MAEA: variants seen among roughly 807,000 people sequenced by gnomAD.
MAEA encodes E3 ubiquitin-protein transferase MAEA.
Under a neutral mutation model 46.2 loss-of-function variants are expected in MAEA, and 22 were observed. That is an observed-to-expected ratio of 0.48 (90% CI 0.34 to 0.68). The LOEUF (loss-of-function observed/expected upper bound fraction) is 0.68. MAEA is among the 30% of genes least tolerant of loss of function. The pLI is 0.01. For synonymous variants in MAEA, 246 were observed against 222.6 expected (o/e 1.11, Z -0.94); for missense variants, 393 against 558.1 (o/e 0.70, Z 2.98).
At chr4:1,326,878 G>T (rs1011818151) in intron 4 of MAEA, among the ~76,000 whole-genome samples, 2 of 152,154 alleles carry the variant, frequency 1.3e-5, no homozygotes, top group Non-Finnish European at 2.9e-5. Context: ...CCATAACCTC[G>T]GTGCAGGCGC....
chr4:1,314,742 A>T (rs1434557384), intron 2 of MAEA, among the ~76,000 whole-genome samples: 1 of 152,262 alleles, frequency 6.6e-6, no homozygotes, highest in East Asian at 1.9e-4. Context: ...CCTGAGGGCA[A>T]AAGATGACTT....
chr4:1,337,256 A>G (rs1423096489), intron 7 of MAEA: 1 of 502,008 alleles, frequency 2.0e-6, no homozygotes, highest in East Asian at 3.6e-5. Context: ...GCATTGATCT[A>G]AAAGCCCGAT....
intron 6 of MAEA, among the ~76,000 whole-genome samples, 197 bp downstream of exon 6, chr4:1,333,062 G>A (rs1712055934): frequency 6.6e-6 from 1 of 152,186 alleles, no homozygotes; most frequent in African/African-American, 2.4e-5. Context: ...AGGGCTGTGT[G>A]TGGTGGCTCA....
chr4:1,329,124 T>C, intron 5 of MAEA: 1 of 985,588 alleles, frequency 1.0e-6, no homozygotes. Flanking sequence ...ACAAAACGTG[T>C]CCATCCCGGA....
intron 7 of MAEA, chr4:1,337,721 G>A: frequency 5.7e-6 from 1 of 175,390 alleles, no homozygotes; most frequent in Non-Finnish European, 1.2e-5. Context: ...GACTGACTCT[G>A]CCCCTGCCCT....
Position 1,335,573 on chromosome 4 carries a change from C to T in MAEA, c.766-1288C>T, listed in dbSNP as rs180791644. ...CACTGGCCCCACAGTGTGTTGAAATCACAGAGTTAAGTCAGCACTGGCCCC... is the reference window on the plus strand; with the variant it reads ...CACTGGCCCCACAGTGTGTTGAAATTACAGAGTTAAGTCAGCACTGGCCCC... On this transcript the variant is annotated intron_variant, in intron 6 of 8. Coordinates refer to ENST00000303400, the MANE Select transcript of MAEA (RefSeq NM_001017405.3). 4,325 of 957,478 alleles carry T rather than the reference C, an allele frequency of 4.5e-3. 257 individuals carry two copies. In the East Asian group the frequency reaches 0.11, roughly 24 times the overall value. The allele number at this position is 957,478 out of a possible 1,614,324, so 59.3% of individuals were successfully genotyped here. A position where few individuals can be genotyped will look rare whatever the true frequency, so the allele number is the denominator to read the frequency against.
chr4:1,322,590 G>C, intron 4 of MAEA, 87 bp downstream of exon 4: 4 of 1,542,408 alleles, frequency 2.6e-6, no homozygotes, highest in Non-Finnish European at 3.5e-6. Context: ...TTGCCTGGTG[G>C]TTCACAGTAG....
intron 2 of MAEA, among the ~76,000 whole-genome samples, chr4:1,312,811 G>A (rs1350477718): frequency 1.3e-5 from 2 of 152,128 alleles, no homozygotes; most frequent in Non-Finnish European, 2.9e-5. Flanking sequence ...AGGGGCCTTG[G>A]GACTAATCTG....
In MAEA at chr4:1,311,171, C is replaced by G. The variant is rs1333956632; in HGVS notation, c.70-808C>G. Among the ~76,000 whole-genome samples, 1 of 152,212 alleles carries G rather than the reference C, an allele frequency of 6.6e-6. No individual in the cohort carries two copies. The highest frequency in any genetic ancestry group is 6.5e-5 in the Admixed American group (1 of 15,292). ...CACTGCTCTTGGGCGGCAGCACGGCCGTGTTGCTGATGCGCTGTGTGGTGA... is the reference window on the plus strand; with the variant it reads ...CACTGCTCTTGGGCGGCAGCACGGCGGTGTTGCTGATGCGCTGTGTGGTGA... On this transcript the variant is annotated intron_variant, in intron 1 of 8. Coordinates refer to ENST00000303400, the MANE Select transcript of MAEA (RefSeq NM_001017405.3). The surrounding 1 kb of genome is among the most constrained non-coding windows in gnomAD (Gnocchi z 4.4).
Position 1,299,646 on chromosome 4 carries a change from C to T in MAEA, c.69+9664C>T, listed in dbSNP as rs559314729. 3.6e-4 allele frequency: 55 copies of T among 152,658 alleles called. No individual in the cohort carries two copies. In the South Asian group the frequency reaches 5.6e-3, roughly 15 times the overall value. The allele number at this position is 152,658 out of a possible 1,614,324, so 9.5% of individuals were successfully genotyped here. ...CCGCCATTCAGCCAGGCCAGCATGC[C>T]GAGCCCAGGGTTTTACTGCCACCTT... is the stretch of plus-strand genomic sequence containing the variant. On this transcript the variant is annotated intron_variant, in intron 1 of 8. Coordinates refer to ENST00000303400, the MANE Select transcript of MAEA (RefSeq NM_001017405.3).
At chr4:1,310,992 G>A (rs1179861986) in intron 1 of MAEA, among the ~76,000 whole-genome samples, 5 of 152,260 alleles carry the variant, frequency 3.3e-5, no homozygotes, top group Non-Finnish European at 5.9e-5. Flanking sequence ...GTGGCCTCAC[G>A]GCTAAGCACA....
At position 1,339,759 on chromosome 4, in the gene MAEA, CTG is replaced by C. The variant is rs1347733183; in HGVS notation, c.*594_*595del. On this transcript the variant is annotated 3_prime_UTR_variant, in exon 9 of 9. Coordinates refer to ENST00000303400, the MANE Select transcript of MAEA (RefSeq NM_001017405.3). ...TGCCTCGCGGGTCGTGTCCGCGGGA[CTG>C]TGTTCGTACGTGCATAGTTTCGATA... is the stretch of plus-strand genomic sequence containing the variant. The C allele has an allele frequency of 3.9e-5, 6 of 154,896 alleles. No homozygotes were observed. The highest frequency in any genetic ancestry group is 1.4e-4 in the African/African-American group (6 of 41,488). The allele number at this position is 154,896 out of a possible 1,614,324, so 9.6% of individuals were successfully genotyped here.
intron 4 of MAEA, among the ~76,000 whole-genome samples, chr4:1,325,259 G>A (rs970599576): frequency 2.0e-5 from 3 of 152,338 alleles, no homozygotes; most frequent in Non-Finnish European, 1.5e-5. Flanking sequence ...GCATGGGTGG[G>A]TGAGTGGCCC....
In MAEA at chr4:1,315,472, A is replaced by T. The variant is rs768707046; in HGVS notation, c.328A>T (p.Ser110Cys). 6.2e-7 allele frequency: 1 copy of T among 1,613,902 alleles called. No homozygotes were observed. The highest frequency in any genetic ancestry group is 1.1e-5 in the South Asian group (1 of 91,088). Residue 110 changes from serine (S) to cysteine (C), a missense_variant, in exon 3 of 9, where the codon AGC becomes TGC. By Grantham distance (112) the Ser-to-Cys change is moderately radical. Around this residue, in one of 2 missense-constraint regions of MAEA, gnomAD observed 358 missense variants for 537.9 expected, o/e 0.67. Coordinates refer to ENST00000303400, the MANE Select transcript of MAEA (RefSeq NM_001017405.3). ...KRRIEHLKEHSSDQPAAASVW... is the reference protein window; with the variant it reads ...KRRIEHLKEHCSDQPAAASVW... The stretch of plus-strand genomic sequence containing the variant: ...CCGGATCGAGCACCTCAAAGAGCAT[A>T]GCAGCGACCAGCCCGCGGCGGCCAG...
At chr4:1,315,070 TATA>T (rs1179582143) in intron 2 of MAEA, among the ~76,000 whole-genome samples, 3 of 152,230 alleles carry the variant, frequency 2.0e-5, no homozygotes, top group Non-Finnish European at 4.4e-5. Flanking sequence ...AAAGTCACCT[TATA>T]ATGATAAACA....
At chr4:1,332,510 T>C in intron 5 of MAEA, 2 of 357,516 alleles carry the variant, frequency 5.6e-6, no homozygotes, top group Non-Finnish European at 5.2e-6. Context: ...AGCCCAGGAG[T>C]TGGAGACCAG....
chr4:1,292,597 C>T (rs73069973), intron 1 of MAEA, among the ~76,000 whole-genome samples: 23,344 of 151,998 alleles, frequency 0.15, 3,443 homozygotes, highest in East Asian at 0.42. Context: ...TGTCTAGCAG[C>T]ATCCCTGGTG....
intron 5 of MAEA, among the ~76,000 whole-genome samples, chr4:1,328,034 T>C (rs1188494041): frequency 1.3e-5 from 2 of 152,180 alleles, no homozygotes; most frequent in East Asian, 1.9e-4. Context: ...CCTTTCCACA[T>C]TGGAAAGTGC....
At chr4:1,328,025 C>T (rs1739069705) in intron 5 of MAEA, among the ~76,000 whole-genome samples, 3 of 152,366 alleles carry the variant, frequency 2.0e-5, no homozygotes, top group African/African-American at 7.2e-5. Flanking sequence ...CCGGCACCCC[C>T]TTTCCACATT....
Sources: gnomAD v4.1 joint callset for allele counts (sites outside exome capture counted in the v4.1 genomes callset) on GRCh38, gnomAD v4.1.1 for gene constraint, gnomAD v4.1.1 regional missense constraint, Gnocchi (gnomAD v3.1) non-coding constraint, MANE v1.5 for transcripts, NCBI Gene and HGNC (gene_info 2026-07-23, HGNC 2026-07-21) for gene names.